The following TRAPPC9 variants were observed in gnomAD, a reference collection of about 807,000 sequenced individuals.
TRAPPC9 encodes the protein trafficking protein particle complex subunit 9.
In TRAPPC9, 83 loss-of-function variants were observed where a neutral mutation model predicts 124.0. That is an observed-to-expected ratio of 0.67 (90% CI 0.56 to 0.80). The LOEUF is 0.80. Ranked by LOEUF, TRAPPC9 falls within the 30% of genes least tolerant of loss-of-function variation. The pLI is 0.00. For synonymous variants in TRAPPC9, 638 were observed against 617.5 expected (o/e 1.03, Z -0.49); for missense variants, 1,302 against 1,508.3 (o/e 0.86, Z 2.27).
intron 18 of TRAPPC9, among the ~76,000 whole-genome samples, chr8:139,996,710 T>C (rs1011499): frequency 0.011 from 1,611 of 152,276 alleles, 29 homozygotes; most frequent in African/African-American, 0.037. Flanking sequence ...CCAAAAAGTT[T>C]TTTGTTTTTG....
chr8:140,038,929 C>T (rs1450100509), intron 17 of TRAPPC9, among the ~76,000 whole-genome samples: 1 of 152,280 alleles, frequency 6.6e-6, no homozygotes, highest in East Asian at 1.9e-4. Flanking sequence ...AGCATTTCAT[C>T]CTCACACCCT....
chr8:140,197,884 T>C (rs979899495), intron 17 of TRAPPC9, among the ~76,000 whole-genome samples: 23 of 152,204 alleles, frequency 1.5e-4, no homozygotes, highest in Admixed American at 1.2e-3. Flanking sequence ...TCAGATGAAC[T>C]GTCCCCTGCT....
At chr8:139,975,927 C>CTTTTTTTTTTTTTTTTTTT (rs528679775) in intron 19 of TRAPPC9, among the ~76,000 whole-genome samples, 1 of 95,566 alleles carries the variant, frequency 1.0e-5, no homozygotes, top group Non-Finnish European at 2.0e-5. Flanking sequence ...AAAGGACAGT[C>CTTTTTTTTTTTTTTTTTTT]TTTTTTTTTT....
At chr8:140,428,762 GA>G (rs1372148974) in intron 4 of TRAPPC9, among the ~76,000 whole-genome samples, 1 of 152,128 alleles carries the variant, frequency 6.6e-6, no homozygotes, top group East Asian at 1.9e-4. Context: ...AGTTCATCTA[GA>G]AAACTCCACT....
chr8:140,408,109 T>C (rs1407841919), intron 5 of TRAPPC9, among the ~76,000 whole-genome samples: 4 of 152,210 alleles, frequency 2.6e-5, no homozygotes, highest in Non-Finnish European at 5.9e-5. Context: ...AGATTTGATC[T>C]TTCTTGACAT....
At chr8:140,340,314 C>CT (rs1398998262) in intron 9 of TRAPPC9, among the ~76,000 whole-genome samples, 3 of 152,236 alleles carry the variant, frequency 2.0e-5, no homozygotes, top group African/African-American at 7.2e-5. Flanking sequence ...GCTCGTTACT[C>CT]TGTTGCTAAA....
chr8:140,418,070 G>T (rs910165569), intron 5 of TRAPPC9, among the ~76,000 whole-genome samples: 8 of 152,178 alleles, frequency 5.3e-5, no homozygotes, highest in Non-Finnish European at 1.2e-4. Flanking sequence ...AGGGAATGGG[G>T]GGCTAGGGGA....
At chr8:140,143,708 G>A (rs2061414457) in intron 17 of TRAPPC9, among the ~76,000 whole-genome samples, 1 of 152,166 alleles carries the variant, frequency 6.6e-6, no homozygotes, top group South Asian at 2.1e-4. Context: ...CCTACCGGGT[G>A]CTGATTTTGT....
intron 2 of TRAPPC9, among the ~76,000 whole-genome samples, chr8:140,443,258 AC>A (rs1221307344): frequency 1.3e-5 from 2 of 149,032 alleles, no homozygotes; most frequent in Non-Finnish European, 3.0e-5. Context: ...ACATGATGAA[AC>A]CCCGTCTCTA....
Position 140,270,343 on chromosome 8 carries a change from G to A in TRAPPC9, c.2278+5315C>T, listed in dbSNP as rs114511401. ...CAGTGGTTCCCACACGCTTGTCTAC[G>A]TCCTCCACTCAGCCAACAGGAGAGA... On this transcript the variant is annotated intron_variant, in intron 15 of 22. Transcript: ENST00000438773. Among the ~76,000 whole-genome samples the A allele has an allele frequency of 7.2e-3, 1,103 of 152,286 alleles. 11 individuals carry two copies. The highest frequency in any genetic ancestry group is 0.025 in the African/African-American group (1,042 of 41,556).
intron 21 of TRAPPC9, among the ~76,000 whole-genome samples, chr8:139,853,593 C>G (rs1266877549): frequency 6.6e-6 from 1 of 152,202 alleles, no homozygotes; most frequent in Non-Finnish European, 1.5e-5. Context: ...ACAAACAGGG[C>G]TTCAGCCACC....
chr8:139,807,717 C>A (rs1824166843), intron 21 of TRAPPC9, among the ~76,000 whole-genome samples: 1 of 152,070 alleles, frequency 6.6e-6, no homozygotes, highest in African/African-American at 2.4e-5. Context: ...CCGAGAAATT[C>A]TTTCTTTGAC....
At chr8:140,123,199 T>A (rs1289422191) in intron 17 of TRAPPC9, among the ~76,000 whole-genome samples, 2 of 151,950 alleles carry the variant, frequency 1.3e-5, no homozygotes, top group Non-Finnish European at 2.9e-5. Context: ...CCCCGACCCC[T>A]CTTCAGAGCC....
intron 17 of TRAPPC9, among the ~76,000 whole-genome samples, chr8:140,210,075 C>T (rs138212303): frequency 2.6e-5 from 4 of 152,332 alleles, no homozygotes; most frequent in East Asian, 1.9e-4. Flanking sequence ...TAAATCTCCT[C>T]GGCGTCACAT....
At chr8:140,238,715 G>C (rs185258915) in intron 16 of TRAPPC9, among the ~76,000 whole-genome samples, 1 of 152,314 alleles carries the variant, frequency 6.6e-6, no homozygotes, top group East Asian at 1.9e-4. Context: ...ATTTCAGCTC[G>C]AAGATGTAGA....
chr8:139,938,126 C>G (rs1275057944), intron 19 of TRAPPC9, among the ~76,000 whole-genome samples: 1 of 152,210 alleles, frequency 6.6e-6, no homozygotes, highest in Non-Finnish European at 1.5e-5. Context: ...AAATACATTC[C>G]TGCATTGAAA....
At chr8:140,120,194 C>A (rs1255557637) in intron 17 of TRAPPC9, among the ~76,000 whole-genome samples, 6 of 152,174 alleles carry the variant, frequency 3.9e-5, no homozygotes, top group African/African-American at 1.4e-4. Context: ...ACCATGCATC[C>A]ACAAGATAGA....
intron 17 of TRAPPC9, among the ~76,000 whole-genome samples, chr8:140,088,749 T>C (rs1289695310): frequency 6.6e-6 from 1 of 152,274 alleles, no homozygotes; most frequent in Non-Finnish European, 1.5e-5. Context: ...TCTCTCGTCA[T>C]GAATAAACAT....
chr8:139,785,858 T>A (rs1043352214), intron 21 of TRAPPC9, among the ~76,000 whole-genome samples: 2 of 152,134 alleles, frequency 1.3e-5, no homozygotes, highest in African/African-American at 4.8e-5. Flanking sequence ...AATCATCAAT[T>A]TTATGAAGGA....
Sources: allele counts gnomAD v4.1 joint callset (sites outside exome capture counted in the v4.1 genomes callset), GRCh38; gene constraint gnomAD v4.1.1; transcripts MANE v1.5; gene names NCBI Gene and HGNC (gene_info 2026-07-23, HGNC 2026-07-21).